ARHGAP8: variants seen among roughly 807,000 people sequenced by gnomAD.
ARHGAP8 encodes Rho GTPase activating protein 8.
ARHGAP8 carries 62 observed loss-of-function variants against 46.1 expected under a neutral mutation model. The ratio of observed to expected loss-of-function variants is 1.34; its 90% CI spans 1.10 to 1.66. The LOEUF (loss-of-function observed/expected upper bound fraction) is 1.66, where lower values mean the gene tolerates loss of function less well. Ranked by LOEUF, ARHGAP8 falls within the 40% of genes most tolerant of loss-of-function variation. The pLI is 0.00. For synonymous variants in ARHGAP8, 375 were observed against 243.1 expected (o/e 1.54, Z -5.05); for missense variants, 923 against 568.4 (o/e 1.62, Z -6.34).
At chr22:44,788,181 C>T (rs570069568) in intron 2 of ARHGAP8, among the ~76,000 whole-genome samples, 11 of 151,802 alleles carry the variant, frequency 7.2e-5, no homozygotes, top group African/African-American at 1.2e-4. Context: ...TGCAATGGCA[C>T]GGTCTTGGCT....
Position 44,862,577 on chromosome 22 carries a change from A to G in ARHGAP8, c.1284A>G (p.Ala428=), listed in dbSNP as rs8881. ...CCCTACCTCCGAGTCCCCTGATGGC[A>G]GCCAGAAGACGTCTCTAGTGTTGCG... ...KPTLPPSPLM[A]ARRRL is the part of the protein sequence containing the mutation. Residue 428 remains alanine (A), a synonymous_variant, in exon 12 of 12, where the codon GCA becomes GCG. Transcript: ENST00000356099. The G allele has an allele frequency of 0.11, 177,567 of 1,587,288 alleles. 11,018 individuals carry two copies. The highest frequency in any genetic ancestry group is 0.14 in the Middle Eastern group (838 of 5,932).
At chr22:44,787,945 C>T (rs1453893549) in intron 2 of ARHGAP8, among the ~76,000 whole-genome samples, 1 of 121,178 alleles carries the variant, frequency 8.3e-6, no homozygotes, top group Admixed American at 8.0e-5. Flanking sequence ...TTTTTTCCCC[C>T]CAAATGTCCT....
At chr22:44,821,527 C>T (rs563222201) in intron 5 of ARHGAP8, among the ~76,000 whole-genome samples, 41 of 152,112 alleles carry the variant, frequency 2.7e-4, no homozygotes, top group Admixed American at 5.2e-4. Context: ...AAAAACCAAA[C>T]CTAGACTATC....
In ARHGAP8 at chr22:44,777,799, G is replaced by A. The variant is rs530899098; in HGVS notation, c.-71-8658G>A. ...CAACCTCCGCCTCCCGGGCTCAAGC[G>A]GTTCTCCTGCCTGACCCTCCCAAGT... On this transcript the variant is annotated intron_variant, in intron 1 of 11. Coordinates refer to ENST00000356099, the MANE Select transcript of ARHGAP8 (RefSeq NM_181335.3). Among the ~76,000 whole-genome samples the A allele has an allele frequency of 8.5e-4, 130 of 152,160 alleles. 3 individuals carry two copies. The South Asian group carries it at 0.025, about 30-fold the overall frequency.
intron 8 of ARHGAP8, among the ~76,000 whole-genome samples, chr22:44,845,590 C>T (rs1267084689): frequency 6.6e-6 from 1 of 152,152 alleles, no homozygotes; most frequent in Non-Finnish European, 1.5e-5. Flanking sequence ...CTTGTCTGTC[C>T]AGTGGGGTTA....
rs149004480 is a variant in ARHGAP8 at position 44,830,689 on chromosome 22, A to G, written c.596+5096A>G. On this transcript the variant is annotated intron_variant, in intron 7 of 11. Coordinates refer to ENST00000356099, the MANE Select transcript of ARHGAP8 (RefSeq NM_181335.3). ...GTATGTGTGACTACAGGTATGTGCC[A>G]CCATGCCCAACTAATTTTTTTGTAT... 7.9e-3 allele frequency among the ~76,000 whole-genome samples: 1,204 copies of G among 152,070 alleles called. 19 individuals carry two copies. The highest frequency in any genetic ancestry group is 0.027 in the African/African-American group (1,136 of 41,468).
chr22:44,794,982 A>T (rs1416361529), intron 2 of ARHGAP8, among the ~76,000 whole-genome samples: 6 of 145,778 alleles, frequency 4.1e-5, no homozygotes, highest in Non-Finnish European at 7.5e-5. Flanking sequence ...TCAAGGCTGC[A>T]GTAAGTTATG....
At chr22:44,846,179 G>A (rs759052933) in intron 8 of ARHGAP8, among the ~76,000 whole-genome samples, 15 of 152,346 alleles carry the variant, frequency 9.8e-5, no homozygotes, top group East Asian at 1.9e-4. Context: ...CCCCGCCACC[G>A]TGTGGTCCCT....
intron 1 of ARHGAP8, among the ~76,000 whole-genome samples, chr22:44,770,569 C>A (rs759020745): frequency 2.6e-5 from 4 of 152,050 alleles, no homozygotes; most frequent in Non-Finnish European, 5.9e-5. Context: ...CCATGTCTGG[C>A]TAATTTTTGT....
chr22:44,768,509 A>G (rs1925765403), intron 1 of ARHGAP8, among the ~76,000 whole-genome samples: 1 of 148,388 alleles, frequency 6.7e-6, no homozygotes, highest in Non-Finnish European at 1.5e-5. Context: ...GTCTTGCTTC[A>G]TTACCCAGGC....
chr22:44,857,700 G>T (rs2070269608), intron 10 of ARHGAP8, among the ~76,000 whole-genome samples: 1 of 152,138 alleles, frequency 6.6e-6, no homozygotes, highest in Admixed American at 6.5e-5. Flanking sequence ...TGATCTCATG[G>T]CCTGCTCCAG....
intron 1 of ARHGAP8, among the ~76,000 whole-genome samples, chr22:44,771,930 C>T (rs1355744037): frequency 6.6e-6 from 1 of 152,126 alleles, no homozygotes; most frequent in Non-Finnish European, 1.5e-5. Flanking sequence ...GGTGGGACCT[C>T]CAGTATACTG....
At chr22:44,857,727 CAG>C (rs777911771) in intron 10 of ARHGAP8, among the ~76,000 whole-genome samples, 20 of 152,150 alleles carry the variant, frequency 1.3e-4, no homozygotes, top group Admixed American at 2.6e-4. Context: ...AAGGGGAGGT[CAG>C]AGAGTCCTCG....
intron 2 of ARHGAP8, among the ~76,000 whole-genome samples, chr22:44,797,835 TCTCA>T (rs1421457501): frequency 5.9e-5 from 9 of 152,084 alleles, no homozygotes; most frequent in African/African-American, 2.2e-4. Context: ...AGAGACAGGG[TCTCA>T]CTCTGTTGCC....
intron 10 of ARHGAP8, among the ~76,000 whole-genome samples, chr22:44,851,117 G>A (rs913880898): frequency 6.6e-6 from 1 of 152,098 alleles, no homozygotes; most frequent in African/African-American, 2.4e-5. Flanking sequence ...CAGTCCCCGG[G>A]GAGGGAAGGA....
chr22:44,845,641 T>C (rs2069935613), intron 8 of ARHGAP8, among the ~76,000 whole-genome samples: 2 of 152,170 alleles, frequency 1.3e-5, no homozygotes, highest in Admixed American at 1.3e-4. Context: ...TTGTAACCCC[T>C]AAACGAGACA....
intron 7 of ARHGAP8, among the ~76,000 whole-genome samples, chr22:44,826,808 G>T (rs2147124932): frequency 6.6e-6 from 1 of 152,302 alleles, no homozygotes; most frequent in Non-Finnish European, 1.5e-5. Flanking sequence ...GGGAGGAGGT[G>T]CATCGGTCAC....
chr22:44,802,156 G>A lies in ARHGAP8; in HGVS notation c.159G>A (p.Arg53=), dbSNP rs1928606014. 2.5e-6 allele frequency: 4 copies of A among 1,614,126 alleles called. No individual in the cohort carries two copies. The highest frequency in any genetic ancestry group is 3.4e-6 in the Non-Finnish European group (4 of 1,179,970). The part of the protein sequence containing the change: ...MPPSHELDHQ[R]LLEYLKYTLD... Reference sequence around the variant, plus strand: ...CCTCCCACGAGCTGGACCACCAGCGGCTGCTGGAGTAAGTGTTCTGCCCCC... The same window carrying A: ...CCTCCCACGAGCTGGACCACCAGCGACTGCTGGAGTAAGTGTTCTGCCCCC... Residue 53 remains arginine (R), a synonymous_variant, in exon 3 of 12, where the codon CGG becomes CGA. Coordinates refer to ENST00000356099, the MANE Select transcript of ARHGAP8 (RefSeq NM_181335.3).
At chr22:44,851,945 C>A (rs2070104851) in intron 10 of ARHGAP8, among the ~76,000 whole-genome samples, 1 of 151,910 alleles carries the variant, frequency 6.6e-6, no homozygotes, top group East Asian at 1.9e-4. Context: ...AAACTCAGCA[C>A]TTCGGGAAGC....
Sources: allele counts gnomAD v4.1 joint callset (sites outside exome capture counted in the v4.1 genomes callset), GRCh38; gene constraint gnomAD v4.1.1; transcripts MANE v1.5; gene names NCBI Gene and HGNC (gene_info 2026-07-23, HGNC 2026-07-21).